SCML4: variants seen among roughly 807,000 people sequenced by gnomAD.
SCML4 encodes the protein Scm polycomb group protein like 4, also known as sex comb on midleg-like protein 4.
A neutral mutation model predicts 41.1 loss-of-function variants in SCML4; 34 were observed. The ratio of observed to expected loss-of-function variants is 0.83; its 90% CI spans 0.63 to 1.10. The LOEUF (loss-of-function observed/expected upper bound fraction) is 1.10, where lower values mean the gene tolerates loss of function less well. Ranked by LOEUF, SCML4 falls within the 50% of genes least tolerant of loss-of-function variation. SCML4 has a pLI of 0.00. For missense variants in SCML4, 522 were observed against 534.1 expected (o/e 0.98, Z 0.22); for synonymous variants, 214 against 220.9 (o/e 0.97, Z 0.28).
intron 2 of SCML4, among the ~76,000 whole-genome samples, chr6:107,770,786 C>T (rs533695418): frequency 6.6e-6 from 1 of 152,284 alleles, no homozygotes; most frequent in East Asian, 1.9e-4. Context: ...AATTTTCATT[C>T]TTGGGTCACA....
chr6:107,817,164 G>A (rs113039954), intron 1 of SCML4, among the ~76,000 whole-genome samples: 80 of 152,186 alleles, frequency 5.3e-4, no homozygotes, highest in African/African-American at 1.9e-3. Flanking sequence ...GACCTAGCCT[G>A]TACCCAGAAA....
the SCML4 span, among the ~76,000 whole-genome samples, chr6:107,843,179 T>A: frequency 6.6e-6 from 1 of 152,110 alleles, no homozygotes; most frequent in Non-Finnish European, 1.5e-5. Flanking sequence ...ACCACAGATC[T>A]AAGAAGCTCA....
intron 1 of SCML4, among the ~76,000 whole-genome samples, chr6:107,785,996 T>C (rs1022771610): frequency 7.9e-5 from 12 of 152,100 alleles, no homozygotes; most frequent in Admixed American, 1.3e-4. Flanking sequence ...CTACCAACCC[T>C]AGAGGACATC....
At chr6:107,779,092 A>G (rs1781275358) in intron 1 of SCML4, among the ~76,000 whole-genome samples, 1 of 152,100 alleles carries the variant, frequency 6.6e-6, no homozygotes, top group African/African-American at 2.4e-5. Flanking sequence ...AGGCAGGAGA[A>G]TGGCGGGAAC....
intron 1 of SCML4, among the ~76,000 whole-genome samples, chr6:107,786,402 CT>C (rs950127863): frequency 6.6e-6 from 1 of 152,210 alleles, no homozygotes; most frequent in Admixed American, 6.5e-5. Context: ...AAGGAAGTGG[CT>C]TTCCAGAGGC....
upstream of SCML4, among the ~76,000 whole-genome samples, chr6:107,826,228 G>A (rs1308091564): frequency 6.7e-6 from 1 of 148,726 alleles, no homozygotes; most frequent in Admixed American, 6.7e-5. Context: ...TGGGTGACAA[G>A]AGTGAAATTC....
rs138201612 is a variant in SCML4, at chr6:107,725,092, G to C, written c.683-4099C>G. 7.9e-5 allele frequency among the ~76,000 whole-genome samples: 12 copies of C among 152,202 alleles called. No homozygotes were observed. In the East Asian group the frequency reaches 2.1e-3, roughly 27 times the overall value. ...AAGTTGATTAAAGTTACAAATATAT[G>C]GTTTTATAGAAGAAATAAGACTTAG... On this transcript the variant is annotated intron_variant, in intron 5 of 7. Coordinates refer to ENST00000369020, the MANE Select transcript of SCML4 (RefSeq NM_198081.5).
At chr6:107,761,884 C>A (rs1779634392) in intron 2 of SCML4, among the ~76,000 whole-genome samples, 1 of 151,290 alleles carries the variant, frequency 6.6e-6, no homozygotes, top group African/African-American at 2.4e-5. Context: ...CACTACAGGG[C>A]CTATATTAGA....
In SCML4 at chr6:107,707,958, G is replaced by T. The variant is rs1773840507; in HGVS notation, c.1027C>A (p.Pro343Thr). 1 of 1,551,592 alleles carries T rather than the reference G, an allele frequency of 6.4e-7. No homozygotes were observed. The highest frequency in any genetic ancestry group is 8.7e-7 in the Non-Finnish European group (1 of 1,146,982). The change falls in exon 7 of 8, where the codon CCC becomes ACC. Residue 343 changes from proline (P) to threonine (T), a missense_variant. Transcript: ENST00000369020. Reference protein sequence around the residue: ...QDARRPRSRNPSAWTVEDVVW... With the variant: ...QDARRPRSRNTSAWTVEDVVW... ...ACGTCCTCCACAGTCCAGGCGGAGG[G>T]GTTCCTGCTCCGTGGCCGCCTGGCA...
chr6:107,809,294 T>C (rs1783980663), intron 1 of SCML4, among the ~76,000 whole-genome samples: 1 of 152,226 alleles, frequency 6.6e-6, no homozygotes, highest in African/African-American at 2.4e-5. Context: ...ATTTCTATTG[T>C]TTCTAAATTA....
chr6:107,717,174 G>T (rs1312828412), intron 6 of SCML4, among the ~76,000 whole-genome samples: 2 of 64,136 alleles, frequency 3.1e-5, no homozygotes, highest in African/African-American at 6.3e-5. Context: ...AAAAAAAAAA[G>T]CCAGGTGTGG....
chr6:107,720,624 C>A, intron 6 of SCML4, 79 bp downstream of exon 6: 1 of 1,451,702 alleles, frequency 6.9e-7, no homozygotes, highest in South Asian at 1.6e-5. Flanking sequence ...CCACACTCCC[C>A]CTTCCCCAGA....
Position 107,719,713 on chromosome 6 carries a change from A to G in SCML4, c.973+990T>C, listed in dbSNP as rs150251758. 1.9e-4 allele frequency: 32 copies of G among 166,404 alleles called. No individual in the cohort carries two copies. In the East Asian group the frequency reaches 5.3e-3, roughly 28 times the overall value. 10.3% of individuals were successfully genotyped at this position (166,404 alleles called of 1,614,324 possible). ...CTCATTTAATCCTCCCAACAATCCT[A>G]TGAGGCAGGTGCTGCCATTATTATT... is the stretch of plus-strand genomic sequence containing the variant. On this transcript the variant is annotated intron_variant, in intron 6 of 7. Transcript: ENST00000369020.
At chr6:107,728,347 A>T (rs1776199891) in intron 5 of SCML4, among the ~76,000 whole-genome samples, 3 of 152,228 alleles carry the variant, frequency 2.0e-5, no homozygotes, top group Admixed American at 1.3e-4. Flanking sequence ...ACCGTGGCTC[A>T]TGCCTGTAAT....
intron 1 of SCML4, among the ~76,000 whole-genome samples, chr6:107,772,900 G>C (rs1469791450): frequency 6.6e-6 from 1 of 152,094 alleles, no homozygotes; most frequent in African/African-American, 2.4e-5. Flanking sequence ...TGATGTCCTT[G>C]TATCAAAATG....
intron 1 of SCML4, among the ~76,000 whole-genome samples, chr6:107,793,674 A>T (rs138036340): frequency 8.1e-4 from 123 of 152,370 alleles, no homozygotes; most frequent in Non-Finnish European, 1.6e-3. Flanking sequence ...GGAGCCGGGC[A>T]CATTGGCTCA....
the SCML4 span, among the ~76,000 whole-genome samples, chr6:107,837,719 T>C: frequency 2.0e-5 from 3 of 152,066 alleles, no homozygotes; most frequent in African/African-American, 4.8e-5. Context: ...TTGTTGAGTA[T>C]AGATCAACTG....
intron 1 of SCML4, among the ~76,000 whole-genome samples, chr6:107,789,473 G>A (rs748227645): frequency 2.6e-5 from 4 of 152,148 alleles, no homozygotes; most frequent in Admixed American, 2.0e-4. Context: ...TGCAGACAGC[G>A]CACGGCTGAA....
At chr6:107,735,697 G>A (rs578196844) in intron 5 of SCML4, among the ~76,000 whole-genome samples, 2 of 151,884 alleles carry the variant, frequency 1.3e-5, no homozygotes, top group South Asian at 2.1e-4. Flanking sequence ...TACTTGGGAG[G>A]CTAAGGCAGG....
Sources: gnomAD v4.1 joint callset for allele counts (sites outside exome capture counted in the v4.1 genomes callset) on GRCh38, gnomAD v4.1.1 for gene constraint, MANE v1.5 for transcripts, NCBI Gene and HGNC (gene_info 2026-07-23, HGNC 2026-07-21) for gene names.